The following PCDH9 variants were observed in gnomAD, a reference collection of about 807,000 sequenced individuals.
PCDH9 encodes the protein protocadherin-9.
Under a neutral mutation model 70.6 loss-of-function variants are expected in PCDH9, and 24 were observed. The observed-to-expected ratio is 0.34, with a 90% confidence interval of 0.25 to 0.48. The LOEUF (loss-of-function observed/expected upper bound fraction) is 0.48. PCDH9 is among the 20% of genes least tolerant of loss of function. The probability of loss-of-function intolerance (pLI) is 0.99; values close to 1 mark genes in which losing one functional copy is unlikely to be tolerated. For synonymous variants in PCDH9, 562 were observed against 558.5 expected, an observed-to-expected ratio of 1.01 and a Z score of -0.09; for missense variants, 1,281 against 1,503.6, an observed-to-expected ratio of 0.85 and a Z score of 2.45.
At chr13:66,996,693 G>A (rs74096720) in intron 2 of PCDH9, among the ~76,000 whole-genome samples, 8,716 of 152,168 alleles carry the variant, frequency 0.057, 563 homozygotes, top group African/African-American at 0.16. Context: ...CTGAATAAAT[G>A]TACAAGTAAA....
At chr13:66,895,634 A>C (rs1594221754) in intron 3 of PCDH9, among the ~76,000 whole-genome samples, 1 of 152,338 alleles carries the variant, frequency 6.6e-6, no homozygotes, top group South Asian at 2.1e-4. Flanking sequence ...GAGCAGCATT[A>C]TTTACGAGAA....
chr13:66,641,041 A>G (rs2077702237), intron 3 of PCDH9, among the ~76,000 whole-genome samples: 2 of 151,980 alleles, frequency 1.3e-5, no homozygotes, highest in Non-Finnish European at 2.9e-5. Context: ...CATTCAGCTA[A>G]TTTTTGTATT....
intron 3 of PCDH9, among the ~76,000 whole-genome samples, chr13:66,846,326 G>C (rs2081209041): frequency 6.6e-6 from 1 of 152,046 alleles, no homozygotes; most frequent in South Asian, 2.1e-4. Context: ...AATCTCAAAT[G>C]TCAATAAAAA....
chr13:67,096,864 T>TA lies in PCDH9; in HGVS notation c.3036+128540dup, dbSNP rs533187748. Among the ~76,000 whole-genome samples the TA allele has an allele frequency of 4.1e-3, 628 of 152,218 alleles. 5 individuals carry two copies. Among genetic ancestry groups the TA allele is most frequent in the African/African-American group, 0.014 (567 of 41,534 alleles). ...AATTGCTCTAAAAAATAAAGTTTAT[T>TA]AAAAAAACCCTATGTAAAACTGAAA... On this transcript the variant is annotated intron_variant, in intron 2 of 4. Coordinates refer to ENST00000377865, the MANE Select transcript of PCDH9 (RefSeq NM_203487.3).
chr13:66,947,262 CAT>C (rs771801962), intron 2 of PCDH9, among the ~76,000 whole-genome samples: 5 of 152,262 alleles, frequency 3.3e-5, no homozygotes, highest in South Asian at 4.2e-4. Context: ...AGCAATTTCA[CAT>C]AGTGTTATCT....
At chr13:66,938,765 A>G (rs955495522) in intron 2 of PCDH9, among the ~76,000 whole-genome samples, 1 of 152,186 alleles carries the variant, frequency 6.6e-6, no homozygotes, top group Non-Finnish European at 1.5e-5. Flanking sequence ...TGTTAAATTA[A>G]TATAATCACG....
chr13:67,133,046 T>G (rs1028795270), intron 2 of PCDH9, among the ~76,000 whole-genome samples: 1 of 152,106 alleles, frequency 6.6e-6, no homozygotes, highest in Non-Finnish European at 1.5e-5. Context: ...GGTACCCAAA[T>G]CATGAGAAGC....
intron 4 of PCDH9, among the ~76,000 whole-genome samples, chr13:66,589,229 C>G (rs1593738456): frequency 6.6e-6 from 1 of 152,050 alleles, no homozygotes; most frequent in African/African-American, 2.4e-5. Context: ...AGCCACTGTA[C>G]TTGAAAGAAA....
intron 3 of PCDH9, among the ~76,000 whole-genome samples, chr13:66,748,419 G>A (rs1166024761): frequency 6.6e-6 from 1 of 152,186 alleles, no homozygotes; most frequent in African/African-American, 2.4e-5. Flanking sequence ...GAAGGTTTAG[G>A]AATTTTTCCT....
chr13:66,854,787 T>C (rs1271589371), intron 3 of PCDH9, among the ~76,000 whole-genome samples: 1 of 152,134 alleles, frequency 6.6e-6, no homozygotes, highest in African/African-American at 2.4e-5. Flanking sequence ...CGAGTTATAT[T>C]GTTGTTGGCC....
At chr13:67,199,620 T>A (rs2089160685) in intron 2 of PCDH9, among the ~76,000 whole-genome samples, 1 of 152,014 alleles carries the variant, frequency 6.6e-6, no homozygotes, top group Non-Finnish European at 1.5e-5. Flanking sequence ...GATAAAGGAA[T>A]GGATAGAACT....
intron 4 of PCDH9, among the ~76,000 whole-genome samples, chr13:66,561,013 T>C (rs1289691047): frequency 2.0e-5 from 3 of 152,220 alleles, no homozygotes; most frequent in African/African-American, 7.2e-5. Flanking sequence ...AGCCCCTTTC[T>C]GGGCTGGCCA....
intron 2 of PCDH9, among the ~76,000 whole-genome samples, chr13:67,162,154 T>G (rs2087980643): frequency 6.6e-6 from 1 of 152,224 alleles, no homozygotes; most frequent in Admixed American, 6.5e-5. Flanking sequence ...TTTCTTCCAT[T>G]TATTAATACT....
Position 66,865,215 on chromosome 13 carries a change from G to C in PCDH9, c.3138+38289C>G, listed in dbSNP as rs922074524. 7.9e-5 allele frequency among the ~76,000 whole-genome samples: 12 copies of C among 152,074 alleles called. 1 individual carries two copies. Among genetic ancestry groups the C allele is most frequent in the Admixed American group, 7.9e-4 (12 of 15,264 alleles). The stretch of plus-strand genomic sequence containing the variant: ...CGTGGTTAAAATATTTGACCCTTAA[G>C]TATATTACAGGCACATTAAAATCCG... On this transcript the variant is annotated intron_variant, in intron 3 of 4. Coordinates refer to ENST00000377865, the MANE Select transcript of PCDH9 (RefSeq NM_203487.3).
intron 2 of PCDH9, among the ~76,000 whole-genome samples, chr13:67,043,787 G>C (rs991017374): frequency 2.6e-5 from 4 of 152,104 alleles, no homozygotes; most frequent in African/African-American, 7.2e-5. Context: ...AACTTTTGTG[G>C]CCATAGGATG....
At chr13:66,334,472 A>G (rs1436538723) in intron 4 of PCDH9, among the ~76,000 whole-genome samples, 1 of 152,074 alleles carries the variant, frequency 6.6e-6, no homozygotes, top group Admixed American at 6.6e-5. Context: ...AGAATGAATG[A>G]TGGAGACCCC....
chr13:66,994,387 G>C (rs1290058562), intron 2 of PCDH9, among the ~76,000 whole-genome samples: 1 of 152,162 alleles, frequency 6.6e-6, no homozygotes, highest in Non-Finnish European at 1.5e-5. Context: ...TCCCTCTAGC[G>C]TGCCCTACTG....
chr13:66,405,889 C>T (rs1957272106), intron 4 of PCDH9, among the ~76,000 whole-genome samples: 1 of 149,854 alleles, frequency 6.7e-6, no homozygotes, highest in Non-Finnish European at 1.5e-5. Flanking sequence ...CCTCCAAATG[C>T]CCTAGTTTCA....
rs183178466 is a variant in PCDH9, at chr13:66,449,641, T to C, written c.3341-144613A>G. Among the ~76,000 whole-genome samples, 281 of 152,326 alleles carry C rather than the reference T, an allele frequency of 1.8e-3. 1 individual carries two copies. Among genetic ancestry groups the C allele is most frequent in the Non-Finnish European group, 3.1e-3 (208 of 68,014 alleles). ...CTAAATAAAATGTTTTAAATACATA[T>C]AAATGCATACATAAGATCAAGACCC... On this transcript the variant is annotated intron_variant, in intron 4 of 4. Coordinates refer to ENST00000377865, the MANE Select transcript of PCDH9 (RefSeq NM_203487.3).
Sources: gnomAD v4.1 joint callset for allele counts (sites outside exome capture counted in the v4.1 genomes callset) on GRCh38, gnomAD v4.1.1 for gene constraint, MANE v1.5 for transcripts, NCBI Gene and HGNC (gene_info 2026-07-23, HGNC 2026-07-21) for gene names.